ESYT2: variants seen among roughly 807,000 people sequenced by gnomAD.
ESYT2 encodes extended synaptotagmin 2.
A neutral mutation model predicts 107.2 loss-of-function variants in ESYT2; 54 were observed. The observed-to-expected ratio is 0.50, with a 90% CI of 0.40 to 0.63. ESYT2 has a LOEUF of 0.63. Ranked by LOEUF, ESYT2 falls within the 30% of genes least tolerant of loss-of-function variation. The pLI, the probability that ESYT2 is intolerant of heterozygous loss-of-function variation, is 0.00. For missense variants in ESYT2, 1,020 were observed against 1,094.5 expected, an observed-to-expected ratio of 0.93 and a Z score of 0.96; for synonymous variants, 491 against 434.1, an observed-to-expected ratio of 1.13 and a Z score of -1.63.
At chr7:158,781,908 C>T (rs1039716675) in intron 6 of ESYT2, among the ~76,000 whole-genome samples, 6 of 132,112 alleles carry the variant, frequency 4.5e-5, no homozygotes, top group African/African-American at 1.5e-4. Context: ...TGTGAGTGAA[C>T]GACAGAACAA....
chr7:158,783,397 A>T (rs776991020), intron 6 of ESYT2, among the ~76,000 whole-genome samples: 1 of 152,208 alleles, frequency 6.6e-6, no homozygotes, highest in Non-Finnish European at 1.5e-5. Flanking sequence ...TCCACAGTTC[A>T]GAACAAGAAT....
rs978603034 is a variant in ESYT2 at position 158,731,529 on chromosome 7, A to G, written c.*2678T>C. The G allele has an allele frequency of 1.3e-5, 2 of 151,876 alleles. No homozygotes were observed. The highest frequency in any genetic ancestry group is 2.9e-5 in the Non-Finnish European group (2 of 67,910). The allele number at this position is 151,876 out of a possible 1,614,324, so 9.4% of individuals were successfully genotyped here. ...TCCATGTTGGCCAGGCTGGTCTTGA[A>G]CTCCTGACCTCAGGTCATCCGCCCG... On this transcript the variant is annotated 3_prime_UTR_variant, in exon 23 of 23. Coordinates refer to ENST00000275418, the MANE Select transcript of ESYT2 (RefSeq NM_001367773.1).
intron 1 of ESYT2, among the ~76,000 whole-genome samples, chr7:158,827,810 C>T (rs59334195): frequency 0.021 from 3,186 of 152,238 alleles, 109 homozygotes; most frequent in African/African-American, 0.071. Flanking sequence ...CTGCTGGTCA[C>T]CTTCACCCCA....
At chr7:158,819,135 G>A (rs1840223709) in intron 1 of ESYT2, among the ~76,000 whole-genome samples, 1 of 152,252 alleles carries the variant, frequency 6.6e-6, no homozygotes, top group African/African-American at 2.4e-5. Flanking sequence ...GACTCATTAT[G>A]GAGGGAATGC....
chr7:158,775,100 C>CA (rs1199776350), intron 6 of ESYT2, among the ~76,000 whole-genome samples: 1 of 152,154 alleles, frequency 6.6e-6, no homozygotes, highest in East Asian at 1.9e-4. Context: ...ACATGTGAGT[C>CA]ACACACATTT....
chr7:158,822,361 C>T (rs1179623581), intron 1 of ESYT2, among the ~76,000 whole-genome samples: 1 of 152,148 alleles, frequency 6.6e-6, no homozygotes, highest in African/African-American at 2.4e-5. Flanking sequence ...GAATAACTCA[C>T]GGAAAAACAG....
chr7:158,758,270 G>A (rs561958909), intron 13 of ESYT2, among the ~76,000 whole-genome samples: 1 of 152,322 alleles, frequency 6.6e-6, no homozygotes, highest in Non-Finnish European at 1.5e-5. Flanking sequence ...AAATGCACGG[G>A]TGCACAAGTA....
At chr7:158,797,524 T>TA (rs1420097855) in intron 3 of ESYT2, among the ~76,000 whole-genome samples, 3 of 151,236 alleles carry the variant, frequency 2.0e-5, no homozygotes, top group South Asian at 2.1e-4. Context: ...GAGGGCAACA[T>TA]AGTGAGGCCC....
Position 158,823,367 on chromosome 7 carries a change from C to T in ESYT2, c.330+5722G>A, listed in dbSNP as rs1044644874. Among the ~76,000 whole-genome samples, 72 of 148,452 alleles carry T rather than the reference C, an allele frequency of 4.9e-4. 1 individual carries two copies. The highest frequency in any genetic ancestry group is 1.7e-3 in the African/African-American group (68 of 40,308). ...TTAGAGACGGACTGTGGCTCTGTCG[C>T]CCAGGCTGGAGTGCAGTGGTGCGAT... On this transcript the variant is annotated intron_variant, in intron 1 of 22. Transcript: ENST00000275418.
Position 158,811,266 on chromosome 7 carries a change from C to T in ESYT2, c.331-12194G>A, listed in dbSNP as rs112101126. Among the ~76,000 whole-genome samples, 691 of 152,272 alleles carry T rather than the reference C, an allele frequency of 4.5e-3. 4 individuals carry two copies. The highest frequency in any genetic ancestry group is 7.3e-3 in the Non-Finnish European group (494 of 68,034). ...GCCCATTTATTTTAATTAGATACTT[C>T]CCCAAATAATAACAGAACCAAGTAA... On this transcript the variant is annotated intron_variant, in intron 1 of 22. Coordinates refer to ENST00000275418, the MANE Select transcript of ESYT2 (RefSeq NM_001367773.1).
chr7:158,767,551 C>T, intron 8 of ESYT2, 103 bp downstream of exon 8: 1 of 1,477,914 alleles, frequency 6.8e-7, no homozygotes, highest in Middle Eastern at 2.5e-4. Context: ...GGCAAGCTGG[C>T]TGCTGGGGAG....
intron 6 of ESYT2, among the ~76,000 whole-genome samples, chr7:158,781,518 G>A (rs1838808534): frequency 6.6e-6 from 1 of 151,842 alleles, no homozygotes; most frequent in African/African-American, 2.4e-5. Context: ...TGAGAACAAA[G>A]TGTGAGAGGT....
chr7:158,735,426 G>T, intron 21 of ESYT2, 77 bp downstream of exon 21: 3 of 1,241,004 alleles, frequency 2.4e-6, no homozygotes, highest in Non-Finnish European at 3.5e-6. Flanking sequence ...CACAGACATG[G>T]TCTAAACACT....
Position 158,764,864 on chromosome 7 carries a change from G to C in ESYT2, c.925-11C>G. 1.2e-6 allele frequency: 2 copies of C among 1,612,266 alleles called. No homozygotes were observed. The highest frequency in any genetic ancestry group is 1.7e-6 in the Non-Finnish European group (2 of 1,179,114). ...TATCCTTAGAACACCCTGAAAAGAA[G>C]AACAAACTGAAGTTTAGACCCTTGG... On this transcript the variant is annotated splice_polypyrimidine_tract_variant and intron_variant, in intron 8 of 22. Transcript: ENST00000275418.
chr7:158,734,577 C>T (rs1006896150), intron 21 of ESYT2, 106 bp from the exon 22 acceptor site: 27 of 1,030,068 alleles, frequency 2.6e-5, no homozygotes, highest in Admixed American at 1.7e-4. Context: ...TCTCTTAAGC[C>T]CAAGAGTTTG....
Position 158,733,182 on chromosome 7 carries a change from G to A in ESYT2, c.*1025C>T, listed in dbSNP as rs1836803624. ...ACATCCTATGTGTGAGGTCACACTG[G>A]GGGTTCCTGACAATAATGAGATCGA... On this transcript the variant is annotated 3_prime_UTR_variant, in exon 23 of 23. Transcript: ENST00000275418. The A allele has an allele frequency of 6.6e-6, 1 of 152,184 alleles. No individual in the cohort carries two copies. The highest frequency in any genetic ancestry group is 1.5e-5 in the Non-Finnish European group (1 of 68,034). The allele number at this position is 152,184 out of a possible 1,614,324, so 9.4% of individuals were successfully genotyped here.
intron 3 of ESYT2, among the ~76,000 whole-genome samples, chr7:158,795,806 G>A (rs189804254): frequency 5.9e-5 from 9 of 152,212 alleles, no homozygotes; most frequent in African/African-American, 1.7e-4. Flanking sequence ...ACATGGGCTC[G>A]TCCTACGGGC....
chr7:158,806,018 A>G (rs1839815784), intron 1 of ESYT2, among the ~76,000 whole-genome samples: 1 of 152,186 alleles, frequency 6.6e-6, no homozygotes, highest in Non-Finnish European at 1.5e-5. Flanking sequence ...CCAGGGACAC[A>G]GGGCTCTTTT....
chr7:158,768,896 C>A (rs1374861636), intron 7 of ESYT2, among the ~76,000 whole-genome samples: 14 of 152,140 alleles, frequency 9.2e-5, no homozygotes, highest in African/African-American at 3.4e-4. Context: ...ATATATATGT[C>A]CTATTCTTTA....
Sources: gnomAD v4.1 joint callset for allele counts (sites outside exome capture counted in the v4.1 genomes callset) on GRCh38, gnomAD v4.1.1 for gene constraint, MANE v1.5 for transcripts, NCBI Gene and HGNC (gene_info 2026-07-23, HGNC 2026-07-21) for gene names.